CDIP1: variants seen among roughly 807,000 people sequenced by gnomAD.
The protein encoded by CDIP1 is cell death inducing p53 target 1, also known as cell death-inducing p53-target protein 1.
Under a neutral mutation model 17.7 loss-of-function variants are expected in CDIP1, and 9 were observed. The ratio of observed to expected loss-of-function variants is 0.51; its 90% CI spans 0.31 to 0.89. CDIP1 has a LOEUF of 0.89. Ranked by LOEUF, CDIP1 falls within the 40% of genes least tolerant of loss-of-function variation. The pLI is 0.05. For synonymous variants in CDIP1, 117 were observed against 109.5 expected (o/e 1.07, Z -0.43); for missense variants, 263 against 277.9 (o/e 0.95, Z 0.38).
chr16:4,520,354 C>T (rs879776200), intron 1 of CDIP1, among the ~76,000 whole-genome samples: 3 of 152,122 alleles, frequency 2.0e-5, no homozygotes, highest in Admixed American at 6.6e-5. Context: ...CTGCCCGCCT[C>T]GGCCTCCCAA....
intron 1 of CDIP1, among the ~76,000 whole-genome samples, chr16:4,519,913 C>G (rs572958504): frequency 8.5e-5 from 13 of 152,250 alleles, no homozygotes; most frequent in African/African-American, 3.1e-4. Context: ...TCCTATAAAG[C>G]CTGCAGAACC....
chr16:4,529,674 T>G (rs2059035266), intron 1 of CDIP1, among the ~76,000 whole-genome samples: 1 of 152,136 alleles, frequency 6.6e-6, no homozygotes, highest in Non-Finnish European at 1.5e-5. Flanking sequence ...GTGCTCAAAA[T>G]GGAGCCCTTA....
intron 1 of CDIP1, among the ~76,000 whole-genome samples, chr16:4,525,388 G>T (rs560852982): frequency 2.2e-4 from 34 of 152,166 alleles, no homozygotes; most frequent in Non-Finnish European, 3.4e-4. Context: ...GCTCAAGGAG[G>T]AGCTGAGGAG....
At chr16:4,516,769 G>C (rs903405319) in intron 1 of CDIP1, among the ~76,000 whole-genome samples, 1 of 138,816 alleles carries the variant, frequency 7.2e-6, no homozygotes, top group Admixed American at 8.0e-5. Context: ...GTGCAGTGGC[G>C]CGATCCTGGC....
At position 4,512,773 on chromosome 16, in the gene CDIP1, A is replaced by G. The variant is rs2058845214; in HGVS notation, c.515+18T>C. On this transcript the variant is annotated intron_variant, in intron 5 of 5. Coordinates refer to ENST00000567695, the MANE Select transcript of CDIP1 (RefSeq NM_013399.3). This position sits in a 1 kb window ranked among gnomAD's most constrained non-coding sequence, Gnocchi z 4.6. ...ACCCTGGTGCAGCCCCCACCCTACC[A>G]GTGCCCACACCACCTACCCCATGAA... The G allele has an allele frequency of 6.3e-7, 1 of 1,593,414 alleles. No individual in the cohort carries two copies. Among genetic ancestry groups the G allele is most frequent in the Middle Eastern group, 1.7e-4 (1 of 6,036 alleles).
At chr16:4,527,084 C>T (rs1451805788) in intron 1 of CDIP1, among the ~76,000 whole-genome samples, 8 of 149,380 alleles carry the variant, frequency 5.4e-5, no homozygotes, top group African/African-American at 2.0e-4. Context: ...AAAGAAGACA[C>T]TGTTACTTTT....
intron 1 of CDIP1, among the ~76,000 whole-genome samples, chr16:4,534,583 T>C (rs1006957923): frequency 6.6e-6 from 1 of 152,054 alleles, no homozygotes; most frequent in Non-Finnish European, 1.5e-5. Context: ...ACTGTGCTGC[T>C]ACCTCCCTGG....
At chr16:4,530,147 A>G in intron 1 of CDIP1, among the ~76,000 whole-genome samples, 1 of 152,214 alleles carries the variant, frequency 6.6e-6, no homozygotes, top group East Asian at 1.9e-4. Context: ...TATTTTGAAG[A>G]CATTTCTGAT....
chr16:4,512,841 G>A lies in CDIP1; in HGVS notation c.465C>T (p.Tyr155=), dbSNP rs370972341. The A allele has an allele frequency of 1.4e-5, 22 of 1,563,032 alleles. No homozygotes were observed. The highest frequency in any genetic ancestry group is 1.2e-4 in the East Asian group (5 of 42,142). ...GCACGAAATTCATCAAGCCAATCTC[G>A]TAGGAGATCTTGGTGGTGATGGCCT... The part of the protein sequence containing the change: ...CQQAITTKIS[Y]EIGLMNFVLG... Residue 155 remains tyrosine, a synonymous_variant, in exon 5 of 6, where the codon TAC becomes TAT. Coordinates refer to ENST00000567695, the MANE Select transcript of CDIP1 (RefSeq NM_013399.3). The surrounding 1 kb of genome is among the most constrained non-coding windows in gnomAD (Gnocchi z 4.6).
chr16:4,533,526 C>T (rs2141660707), intron 1 of CDIP1: 1 of 152,448 alleles, frequency 6.6e-6, no homozygotes, highest in East Asian at 1.9e-4. Context: ...CCAGACCTTT[C>T]TCGTCTCCTT....
At position 4,514,873 on chromosome 16, in the gene CDIP1, T is replaced by G. The variant is rs576354020; in HGVS notation, c.-104-209A>C. The G allele has an allele frequency of 5.2e-3, 790 of 152,990 alleles. 9 individuals are homozygous for G. Among genetic ancestry groups the G allele is most frequent in the African/African-American group, 0.018 (736 of 41,578 alleles). 9.5% of individuals were successfully genotyped at this position (152,990 alleles called of 1,614,324 possible). On this transcript the variant is annotated intron_variant, in intron 1 of 5. Transcript: ENST00000567695. This position sits in a 1 kb window ranked among gnomAD's most constrained non-coding sequence, Gnocchi z 5.2. Reference sequence around the variant, plus strand: ...TGCTTCCTCCCTCCCCCAGGACTGCTGGCACCCAAGGGCCACGGCTGGGCC... The same window carrying G: ...TGCTTCCTCCCTCCCCCAGGACTGCGGGCACCCAAGGGCCACGGCTGGGCC...
In CDIP1 at chr16:4,513,661, T is replaced by C. The variant is rs764705458; in HGVS notation, c.241+35A>G. 6.3e-7 allele frequency: 1 copy of C among 1,590,178 alleles called. No individual in the cohort carries two copies. Among genetic ancestry groups the C allele is most frequent in the South Asian group, 1.1e-5 (1 of 89,096 alleles). ...CGCAGGCCAGACAGCAGCCAGGAGT[T>C]CCCCATGCTCCCCTCAGATCCCTTC... On this transcript the variant is annotated intron_variant, in intron 4 of 5. Coordinates refer to ENST00000567695, the MANE Select transcript of CDIP1 (RefSeq NM_013399.3). This position sits in a 1 kb window ranked among gnomAD's most constrained non-coding sequence, Gnocchi z 4.1.
chr16:4,517,755 A>G (rs990319558), intron 1 of CDIP1, among the ~76,000 whole-genome samples: 1 of 151,740 alleles, frequency 6.6e-6, no homozygotes, highest in African/African-American at 2.4e-5. Context: ...AACAAAAAAA[A>G]AAAAAACAGA....
intron 1 of CDIP1, among the ~76,000 whole-genome samples, chr16:4,535,245 G>C (rs1042088694): frequency 6.6e-6 from 1 of 152,084 alleles, no homozygotes; most frequent in African/African-American, 2.4e-5. Flanking sequence ...AAGACCCTCA[G>C]TGTTTACTGA....
chr16:4,516,833 AAGT>A (rs997722233), intron 1 of CDIP1, among the ~76,000 whole-genome samples: 1 of 150,426 alleles, frequency 6.6e-6, no homozygotes, highest in Non-Finnish European at 1.5e-5. Context: ...TCAGCCTCCC[AAGT>A]AGCTGAGACT....
chr16:4,535,370 T>G (rs1437112634), intron 1 of CDIP1, among the ~76,000 whole-genome samples: 1 of 152,228 alleles, frequency 6.6e-6, no homozygotes, highest in African/African-American at 2.4e-5. Flanking sequence ...AAGAAATGTT[T>G]CCTGGAAAAA....
Position 4,513,202 on chromosome 16 carries a change from C to T in CDIP1, c.242-138G>A, listed in dbSNP as rs1434318388. Reference sequence around the variant, plus strand: ...CTCAGACCTCCTACCGCCCTCCTAACGGGCCAGTGGGAGGCCTTACAGCTG... The same window carrying T: ...CTCAGACCTCCTACCGCCCTCCTAATGGGCCAGTGGGAGGCCTTACAGCTG... On this transcript the variant is annotated intron_variant, in intron 4 of 5. Coordinates refer to ENST00000567695, the MANE Select transcript of CDIP1 (RefSeq NM_013399.3). This position sits in a 1 kb window ranked among gnomAD's most constrained non-coding sequence, Gnocchi z 4.1. 4.5e-6 allele frequency: 4 copies of T among 898,786 alleles called. No homozygotes were observed. Among genetic ancestry groups the T allele is most frequent in the Admixed American group, 2.9e-5 (1 of 34,022 alleles). The allele number at this position is 898,786 out of a possible 1,614,324, so 55.7% of individuals were successfully genotyped here.
intron 1 of CDIP1, among the ~76,000 whole-genome samples, chr16:4,527,804 A>C (rs530011582): frequency 2.0e-5 from 3 of 152,260 alleles, no homozygotes; most frequent in South Asian, 4.1e-4. Context: ...TCAGCCCCTA[A>C]AAAATGATAT....
At chr16:4,526,972 C>T (rs992574998) in intron 1 of CDIP1, among the ~76,000 whole-genome samples, 10 of 151,930 alleles carry the variant, frequency 6.6e-5, no homozygotes, top group South Asian at 2.1e-4. Flanking sequence ...GTAGGAGCAG[C>T]CCCTTATCAA....
Sources: allele counts gnomAD v4.1 joint callset (sites outside exome capture counted in the v4.1 genomes callset), GRCh38; gene constraint gnomAD v4.1.1; non-coding constraint Gnocchi (gnomAD v3.1); transcripts MANE v1.5; gene names NCBI Gene and HGNC (gene_info 2026-07-23, HGNC 2026-07-21).